TENM3: variants seen among roughly 807,000 people sequenced by gnomAD.
The protein encoded by TENM3 is teneurin transmembrane protein 3.
In TENM3, 63 loss-of-function variants were observed where a neutral mutation model predicts 255.1. That is an observed-to-expected ratio of 0.25 (90% confidence interval 0.20 to 0.30). TENM3 has a LOEUF of 0.30. Among genes scored for constraint, TENM3 ranks in the 10% least tolerant of loss-of-function variants. The pLI is 1.00. For missense variants in TENM3, 2,929 were observed against 3,461.1 expected, an observed-to-expected ratio of 0.85 and a Z score of 3.86; for synonymous variants, 1,306 against 1,322.3, an observed-to-expected ratio of 0.99 and a Z score of 0.27.
intron 1 of TENM3, among the ~76,000 whole-genome samples, chr4:182,151,079 T>C (rs1377762895): frequency 6.6e-6 from 1 of 152,102 alleles, no homozygotes; most frequent in Non-Finnish European, 1.5e-5. Context: ...ATAGGGGCGT[T>C]TCCAAAGAAG....
chr4:182,289,604 T>A (rs560698483), intron 1 of TENM3, among the ~76,000 whole-genome samples: 4,246 of 152,326 alleles, frequency 0.028, 196 homozygotes, highest in African/African-American at 0.096. Flanking sequence ...GCTTAGGAAA[T>A]TAAGATCATA....
the TENM3 span, among the ~76,000 whole-genome samples, chr4:181,641,580 A>ATATATATATATATATC: frequency 1.1e-5 from 1 of 90,048 alleles, no homozygotes; most frequent in Non-Finnish European, 2.2e-5. Flanking sequence ...ATATATATAT[A>ATATATATATATATATC]TATATATATA....
the TENM3 span, among the ~76,000 whole-genome samples, chr4:182,109,681 C>CA: frequency 6.6e-6 from 1 of 152,210 alleles, no homozygotes; most frequent in Non-Finnish European, 1.5e-5. Flanking sequence ...GGATGCCATA[C>CA]TGAGGTCCGA....
At chr4:182,707,602 A>C (rs1026423238) in intron 12 of TENM3, among the ~76,000 whole-genome samples, 6 of 152,204 alleles carry the variant, frequency 3.9e-5, no homozygotes, top group Non-Finnish European at 7.3e-5. Context: ...TGCTTTGTTG[A>C]TATTGAAAAT....
chr4:182,428,606 G>A (rs1771401926), intron 3 of TENM3, among the ~76,000 whole-genome samples: 1 of 151,786 alleles, frequency 6.6e-6, no homozygotes, highest in African/African-American at 2.4e-5. Context: ...CAGGAGTGAT[G>A]CCATGAAGCC....
the TENM3 span, among the ~76,000 whole-genome samples, chr4:181,628,738 C>T: frequency 2.0e-5 from 3 of 152,102 alleles, no homozygotes; most frequent in Non-Finnish European, 4.4e-5. Context: ...TTCCTGTAGC[C>T]TTGTAGTATA....
intron 3 of TENM3, among the ~76,000 whole-genome samples, chr4:182,392,828 A>G (rs1317597151): frequency 6.6e-6 from 1 of 152,194 alleles, no homozygotes; most frequent in Non-Finnish European, 1.5e-5. Flanking sequence ...AGCACTGAGA[A>G]ACTAGGAGAA....
intron 22 of TENM3, among the ~76,000 whole-genome samples, chr4:182,769,985 A>G (rs989192090): frequency 6.6e-6 from 1 of 151,536 alleles, no homozygotes; most frequent in Non-Finnish European, 1.5e-5. Context: ...GGGGGCCTCT[A>G]ATCCTAGCTA....
the TENM3 span, among the ~76,000 whole-genome samples, chr4:181,930,171 T>C: frequency 1.3e-5 from 2 of 151,870 alleles, no homozygotes; most frequent in South Asian, 4.2e-4. Context: ...ATAAGTAAGA[T>C]CAGAGCAGAA....
the TENM3 span, among the ~76,000 whole-genome samples, chr4:181,776,387 C>T: frequency 6.6e-6 from 1 of 151,984 alleles, no homozygotes; most frequent in African/African-American, 2.4e-5. Flanking sequence ...TACAGAGATC[C>T]CAGAATCCCT....
At chr4:182,581,295 G>A (rs535397554) in intron 3 of TENM3, among the ~76,000 whole-genome samples, 10 of 152,208 alleles carry the variant, frequency 6.6e-5, no homozygotes, top group East Asian at 1.9e-4. Flanking sequence ...AAGAGTTACC[G>A]GTTCTTTATA....
chr4:182,187,039 C>A (rs1423111822), intron 1 of TENM3, among the ~76,000 whole-genome samples: 1 of 150,880 alleles, frequency 6.6e-6, no homozygotes, highest in African/African-American at 2.4e-5. Flanking sequence ...TTATTTAATT[C>A]AACAGACTTT....
At chr4:181,637,540 G>A in the TENM3 span, among the ~76,000 whole-genome samples, 2 of 152,166 alleles carry the variant, frequency 1.3e-5, no homozygotes, top group Admixed American at 6.5e-5. Context: ...GGAGGAGCCC[G>A]TGTTTTTCCA....
chr4:182,779,130 A>G (rs2152806635), intron 24 of TENM3, among the ~76,000 whole-genome samples: 1 of 149,934 alleles, frequency 6.7e-6, no homozygotes, highest in Non-Finnish European at 1.5e-5. Context: ...ATATGTATAC[A>G]TGTGCCATGC....
At chr4:182,059,652 T>G in the TENM3 span, among the ~76,000 whole-genome samples, 7 of 142,306 alleles carry the variant, frequency 4.9e-5, no homozygotes, top group Non-Finnish European at 9.0e-5. Context: ...CTCATGCCTG[T>G]AATCCCAACA....
At chr4:181,796,903 G>A in the TENM3 span, among the ~76,000 whole-genome samples, 1 of 152,098 alleles carries the variant, frequency 6.6e-6, no homozygotes, top group Admixed American at 6.5e-5. Flanking sequence ...CTTACGTCAT[G>A]TCAGAGCAAG....
At chr4:181,595,916 T>A in the TENM3 span, among the ~76,000 whole-genome samples, 1 of 152,200 alleles carries the variant, frequency 6.6e-6, no homozygotes. Context: ...TCCAGGCCAC[T>A]CATGCGAGAG....
chr4:182,234,603 G>A (rs1309583271), intron 1 of TENM3, among the ~76,000 whole-genome samples: 1 of 152,004 alleles, frequency 6.6e-6, no homozygotes, highest in Non-Finnish European at 1.5e-5. Context: ...GTGGTGGCAG[G>A]CCCCTGTAAT....
chr4:182,786,163 T>C (rs1030977263), intron 24 of TENM3, among the ~76,000 whole-genome samples: 1 of 152,116 alleles, frequency 6.6e-6, no homozygotes, highest in Non-Finnish European at 1.5e-5. Context: ...GTCTCACTGC[T>C]TCCAGGTGCT....
Sources: gnomAD v4.1 joint callset for allele counts (sites outside exome capture counted in the v4.1 genomes callset) on GRCh38, gnomAD v4.1.1 for gene constraint, MANE v1.5 for transcripts, NCBI Gene and HGNC (gene_info 2026-07-23, HGNC 2026-07-21) for gene names.